The following TECPR2 variants were observed in gnomAD, a reference collection of about 807,000 sequenced individuals.
The protein encoded by TECPR2 is tectonin beta-propeller repeat containing 2, also known as tectonin beta-propeller repeat-containing protein 2.
TECPR2 carries 65 observed loss-of-function variants against 138.1 expected under a neutral mutation model. The observed-to-expected ratio is 0.47, with a 90% CI of 0.39 to 0.58. The LOEUF (loss-of-function observed/expected upper bound fraction) is 0.58. Among genes scored for constraint, TECPR2 ranks in the 20% least tolerant of loss-of-function variants. The pLI is 0.00. For missense variants in TECPR2, 1,553 were observed against 1,824.5 expected (o/e 0.85, Z 2.71); for synonymous variants, 746 against 749.8 (o/e 0.99, Z 0.08).
At position 102,434,688 on chromosome 14, in the gene TECPR2, C is replaced by T. The variant is rs760031045; in HGVS notation, c.1871C>T (p.Ala624Val). 1.5e-5 allele frequency: 24 copies of T among 1,612,768 alleles called. No homozygotes were observed. The highest frequency in any genetic ancestry group is 1.6e-4 in the Middle Eastern group (1 of 6,084). Residue 624 changes from alanine (A) to valine (V), a missense_variant, in exon 9 of 20, where the codon GCG (alanine) becomes GTG (valine). By Grantham distance (64) the Ala-to-Val change is moderately conservative. Coordinates refer to ENST00000359520, the MANE Select transcript of TECPR2 (RefSeq NM_014844.5). ...PFQEQDSSPG[A>V]HDGEDIQPIG... ...CAAGAACAGGACAGCTCTCCTGGGG[C>T]GCATGATGGGGAAGACATCCAACCC...
rs143705801 is a variant in TECPR2 at position 102,497,629 on chromosome 14, G to A, written c.3991G>A (p.Gly1331Arg). 6.7e-5 allele frequency: 108 copies of A among 1,609,350 alleles called. No homozygotes were observed. Among genetic ancestry groups the A allele is most frequent in the Non-Finnish European group, 8.1e-5 (95 of 1,178,582 alleles). ...TRTVWARCPN[G>R]DLARRYGVTD... ...GACCGTGTGGGCCCGCTGTCCAAAC[G>A]GAGACCTCGCCCGGCGGTACGGCGT... Residue 1331 changes from glycine to arginine, a missense_variant, in exon 19 of 20, where the codon GGA becomes AGA. Coordinates refer to ENST00000359520, the MANE Select transcript of TECPR2 (RefSeq NM_014844.5).
rs986234395 is a variant in TECPR2, at chr14:102,420,389, G to A, written c.639-4590G>A. Among the ~76,000 whole-genome samples the A allele has an allele frequency of 6.6e-6, 1 of 152,158 alleles. No individual in the cohort carries two copies. The highest frequency in any genetic ancestry group is 1.5e-5 in the Non-Finnish European group (1 of 68,036). ...ACTGCAAGTGGATGGTGGCTGAGTC[G>A]GGGGCTTAGGACAATTTGTACCTGG... On this transcript the variant is annotated intron_variant, in intron 5 of 19. Transcript: ENST00000359520. The surrounding 1 kb of genome is among the most constrained non-coding windows in gnomAD (Gnocchi z 4.1).
intron 16 of TECPR2, among the ~76,000 whole-genome samples, chr14:102,453,479 C>CAA (rs970469094): frequency 1.6e-5 from 2 of 124,344 alleles, no homozygotes. Flanking sequence ...GATTCTGTTT[C>CAA]AAAAAAAAAA....
chr14:102,498,239 C>G lies in TECPR2; in HGVS notation c.4218C>G (p.Asp1406Glu). 1 of 1,603,048 alleles carries G rather than the reference C, an allele frequency of 6.2e-7. No individual in the cohort carries two copies. Among genetic ancestry groups the G allele is most frequent in the Non-Finnish European group, 8.5e-7 (1 of 1,179,810 alleles). The change falls in exon 20 of 20, where the codon GAC (aspartate) becomes GAG (glutamate). Residue 1406 changes from aspartate (D) to glutamate (E), a missense_variant. Asp to Glu is a conservative substitution (Grantham distance 45). Transcript: ENST00000359520. Reference protein sequence around the residue: ...AAMPHPEDLEDEWEVI With the variant: ...AAMPHPEDLEEEWEVI ...TGCCCCACCCTGAGGACCTGGAGGA[C>G]GAGTGGGAGGTCATCTGAAGGAGCC...
rs555746970 is a variant in TECPR2 at position 102,471,033 on chromosome 14, G to A, written c.3789+5744G>A. Among the ~76,000 whole-genome samples, 33 of 152,052 alleles carry A rather than the reference G, an allele frequency of 2.2e-4. No individual in the cohort carries two copies. The South Asian group carries it at 6.8e-3, about 32-fold the overall frequency. On this transcript the variant is annotated intron_variant, in intron 17 of 19. Coordinates refer to ENST00000359520, the MANE Select transcript of TECPR2 (RefSeq NM_014844.5). ...GGGGTTTCACTATGTTGAATAGGAT[G>A]GTTTTGATCTCCTGACCTCATGATC...
At chr14:102,469,594 T>C (rs1192394560) in intron 17 of TECPR2, among the ~76,000 whole-genome samples, 1 of 152,236 alleles carries the variant, frequency 6.6e-6, no homozygotes, top group African/African-American at 2.4e-5. Flanking sequence ...CTGGAACTTC[T>C]AGTAAAATGT....
Position 102,376,891 on chromosome 14 carries a change from TCTATCTGTACTG to T in TECPR2, c.172_183del (p.Tyr58_Cys61del), listed in dbSNP as rs1887654105. ...GCGGTGGGCAGCAGCATCGGCATGC[TCTATCTGTACTG>T]CCGGCACCTCAACCAGATGAGGAAG... On this transcript the variant is annotated inframe_deletion, in exon 2 of 20. Transcript: ENST00000359520. 6.2e-7 allele frequency: 1 copy of T among 1,613,932 alleles called. No individual in the cohort carries two copies. The highest frequency in any genetic ancestry group is 1.7e-5 in the Admixed American group (1 of 59,986).
intron 17 of TECPR2, among the ~76,000 whole-genome samples, chr14:102,493,864 G>T (rs967056613): frequency 1.3e-5 from 2 of 152,206 alleles, no homozygotes; most frequent in African/African-American, 2.4e-5. Flanking sequence ...TTCCAATGCC[G>T]CTCTGCTTTA....
chr14:102,379,908 C>T (rs867432970), intron 2 of TECPR2, among the ~76,000 whole-genome samples: 4 of 110,540 alleles, frequency 3.6e-5, no homozygotes, highest in African/African-American at 1.4e-4. Flanking sequence ...TGAAGATCAC[C>T]ATCTTAAAAT....
chr14:102,386,825 T>C (rs1248253131), intron 2 of TECPR2, among the ~76,000 whole-genome samples: 1 of 152,198 alleles, frequency 6.6e-6, no homozygotes, highest in Middle Eastern at 3.2e-3. Context: ...GTTGTTGTTG[T>C]CATTTTCATC....
chr14:102,493,788 C>T (rs566461354), intron 17 of TECPR2, among the ~76,000 whole-genome samples: 49 of 152,310 alleles, frequency 3.2e-4, no homozygotes, highest in African/African-American at 9.9e-4. Context: ...AGCACAGGCG[C>T]GGCTCCCTCG....
At chr14:102,492,891 G>A (rs2139798704) in intron 17 of TECPR2, among the ~76,000 whole-genome samples, 1 of 152,372 alleles carries the variant, frequency 6.6e-6, no homozygotes, top group Non-Finnish European at 1.5e-5. Context: ...ACATTAGGAG[G>A]CAGAGCCCGG....
At chr14:102,363,341 C>T (rs1463001997) in intron 1 of TECPR2, among the ~76,000 whole-genome samples, 1 of 152,140 alleles carries the variant, frequency 6.6e-6, no homozygotes, top group African/African-American at 2.4e-5. Context: ...CCGCAGAATC[C>T]GGCGGTCCGC....
chr14:102,418,056 G>A (rs1168322141), intron 5 of TECPR2, among the ~76,000 whole-genome samples: 2 of 152,276 alleles, frequency 1.3e-5, no homozygotes, highest in East Asian at 1.9e-4. Context: ...GACCTCTGCT[G>A]TGGACATAAG....
chr14:102,398,324 G>A (rs532306744), intron 2 of TECPR2, among the ~76,000 whole-genome samples: 2 of 152,232 alleles, frequency 1.3e-5, no homozygotes, highest in African/African-American at 4.8e-5. Flanking sequence ...ACAGAAAAAT[G>A]TTTGAAGAAA....
chr14:102,483,831 T>C, intron 17 of TECPR2, among the ~76,000 whole-genome samples: 1 of 143,726 alleles, frequency 7.0e-6, no homozygotes, highest in East Asian at 2.0e-4. Flanking sequence ...GTTTTTGCCC[T>C]TGTTGCCCAG....
chr14:102,439,962 G>A (rs895889039), intron 10 of TECPR2, among the ~76,000 whole-genome samples: 1 of 152,214 alleles, frequency 6.6e-6, no homozygotes, highest in East Asian at 1.9e-4. Flanking sequence ...TTTCCATTCA[G>A]CTCATCCAGA....
At chr14:102,399,688 G>A (rs1344881385) in intron 2 of TECPR2, among the ~76,000 whole-genome samples, 1 of 152,152 alleles carries the variant, frequency 6.6e-6, no homozygotes, top group Non-Finnish European at 1.5e-5. Context: ...AATTACCTAA[G>A]TGTGGTGGCT....
chr14:102,496,517 G>A (rs774609409), intron 17 of TECPR2, among the ~76,000 whole-genome samples: 1 of 152,234 alleles, frequency 6.6e-6, no homozygotes, highest in Non-Finnish European at 1.5e-5. Flanking sequence ...TTGCCTGCCC[G>A]GCAGCACATT....
Sources: gnomAD v4.1 joint callset for allele counts (sites outside exome capture counted in the v4.1 genomes callset) on GRCh38, gnomAD v4.1.1 for gene constraint, Gnocchi (gnomAD v3.1) non-coding constraint, MANE v1.5 for transcripts, NCBI Gene and HGNC (gene_info 2026-07-23, HGNC 2026-07-21) for gene names.